Variants in CNTN1 observed in about 807,000 individuals in gnomAD.
The protein encoded by CNTN1 is contactin 1.
In CNTN1, 38 loss-of-function variants were observed where a neutral mutation model predicts 126.4. The observed-to-expected ratio is 0.30, with a 90% CI of 0.23 to 0.39. CNTN1 has a LOEUF of 0.39. Among genes scored for constraint, CNTN1 ranks in the 10% least tolerant of loss-of-function variants. The pLI is 1.00. For missense variants in CNTN1, 1,009 were observed against 1,248.4 expected (o/e 0.81, Z 2.89); for synonymous variants, 413 against 422.6 (o/e 0.98, Z 0.28).
chr12:40,759,779 T>A (rs58871314), intron 1 of CNTN1, among the ~76,000 whole-genome samples: 36,742 of 150,184 alleles, frequency 0.24, 4,559 homozygotes, highest in South Asian at 0.41. Context: ...CAGATATTTT[T>A]TTTTTTTTTT....
chr12:40,842,512 A>G (rs956928940), intron 1 of CNTN1, among the ~76,000 whole-genome samples: 3 of 152,096 alleles, frequency 2.0e-5, no homozygotes, highest in Non-Finnish European at 2.9e-5. Context: ...ATGTACCCCC[A>G]TAATATATAT....
In CNTN1 at chr12:40,782,123, C is replaced by A. The variant is rs553499389; in HGVS notation, c.-77+89531C>A. Among the ~76,000 whole-genome samples, 20 of 151,930 alleles carry A rather than the reference C, an allele frequency of 1.3e-4. No individual in the cohort carries two copies. In the South Asian group the frequency reaches 3.9e-3, roughly 30 times the overall value. ...AAACCATCCCCTATTACCTATCTATCAATATGCACACATATTTTTTAAAAG... is the reference window on the plus strand; with the variant it reads ...AAACCATCCCCTATTACCTATCTATAAATATGCACACATATTTTTTAAAAG... On this transcript the variant is annotated intron_variant, in intron 1 of 23. Coordinates refer to ENST00000551295, the MANE Select transcript of CNTN1 (RefSeq NM_001843.4).
At chr12:40,983,468 CGTGT>C (rs141568233) in intron 16 of CNTN1, among the ~76,000 whole-genome samples, 17,522 of 145,860 alleles carry the variant, frequency 0.12, 1,032 homozygotes, top group Non-Finnish European at 0.13. Flanking sequence ...TGATATTCAC[CGTGT>C]GTGTGTGTGT....
At chr12:41,038,750 A>G (rs1010622930) in intron 23 of CNTN1, among the ~76,000 whole-genome samples, 1 of 152,176 alleles carries the variant, frequency 6.6e-6, no homozygotes. Flanking sequence ...GGCAAAATAA[A>G]TAATATATAG....
rs138967838 is a variant in CNTN1, at chr12:40,704,963, G to T, written c.-77+12371G>T. Among the ~76,000 whole-genome samples the T allele has an allele frequency of 1.7e-3, 260 of 152,210 alleles. 1 individual carries two copies. Among genetic ancestry groups the T allele is most frequent in the African/African-American group, 5.9e-3 (243 of 41,534 alleles). On this transcript the variant is annotated intron_variant, in intron 1 of 23. Transcript: ENST00000551295. ...AGAATCATTGCTCAACATGTGAAAA[G>T]CTTATCCTTGCAATAAAAATCCCTC...
intron 23 of CNTN1, among the ~76,000 whole-genome samples, chr12:41,068,900 A>C (rs553820473): frequency 6.6e-6 from 1 of 152,212 alleles, no homozygotes; most frequent in Non-Finnish European, 1.5e-5. Flanking sequence ...CTGAGGCAGG[A>C]GGATCACATG....
intron 1 of CNTN1, among the ~76,000 whole-genome samples, chr12:40,734,774 G>A (rs1020142504): frequency 2.0e-5 from 3 of 152,022 alleles, no homozygotes; most frequent in Admixed American, 6.6e-5. Context: ...AGCATGCTAA[G>A]AAAAATACAG....
chr12:40,892,317 G>C (rs1944266356), intron 1 of CNTN1, among the ~76,000 whole-genome samples: 1 of 152,068 alleles, frequency 6.6e-6, no homozygotes, highest in South Asian at 2.1e-4. Flanking sequence ...ACTCCTTAAA[G>C]TGTTGCTCTC....
rs571328431 is a variant in CNTN1, at chr12:41,071,606, G to A, written c.*1571G>A. 6.6e-6 allele frequency: 1 copy of A among 152,142 alleles called. No individual in the cohort carries two copies. The highest frequency in any genetic ancestry group is 2.1e-4 in the South Asian group (1 of 4,820). 9.4% of individuals were successfully genotyped at this position (152,142 alleles called of 1,614,324 possible). On this transcript the variant is annotated 3_prime_UTR_variant, in exon 24 of 24. Transcript: ENST00000551295. ...ATATATCGATGTGTAAATGTTTAGA[G>A]TCTTCATTATGAAAATATCAATAAA...
intron 1 of CNTN1, among the ~76,000 whole-genome samples, chr12:40,870,759 CAT>C (rs1385224528): frequency 6.6e-6 from 1 of 152,072 alleles, no homozygotes; most frequent in South Asian, 2.1e-4. Context: ...CACACACACA[CAT>C]ACCAACCCAA....
At chr12:40,947,383 T>A (rs971787395) in intron 14 of CNTN1, among the ~76,000 whole-genome samples, 24 of 152,080 alleles carry the variant, frequency 1.6e-4, no homozygotes, top group African/African-American at 5.8e-4. Context: ...TTTGTTGATG[T>A]TATATGGCAA....
chr12:40,701,668 G>T (rs1293309529), intron 1 of CNTN1, among the ~76,000 whole-genome samples: 1 of 151,708 alleles, frequency 6.6e-6, no homozygotes, highest in Non-Finnish European at 1.5e-5. Flanking sequence ...TTTTCTTTTG[G>T]TCTACTTATA....
intron 1 of CNTN1, among the ~76,000 whole-genome samples, chr12:40,879,574 G>A (rs1465183992): frequency 1.3e-5 from 2 of 152,100 alleles, no homozygotes; most frequent in African/African-American, 2.4e-5. Flanking sequence ...TAAGAAAGGA[G>A]TGAGACAAAA....
At chr12:40,828,119 C>T (rs1309600823) in intron 1 of CNTN1, 1 of 152,120 alleles carries the variant, frequency 6.6e-6, no homozygotes, top group African/African-American at 2.4e-5. Context: ...ACCTGCTCTC[C>T]CCAGGTTGGC....
chr12:40,780,384 C>T (rs868721143), intron 1 of CNTN1, among the ~76,000 whole-genome samples: 5 of 151,640 alleles, frequency 3.3e-5, no homozygotes, highest in South Asian at 2.1e-4. Context: ...TCAAAATATT[C>T]GAGAAGAAAA....
chr12:40,956,462 A>G (rs566905525), intron 14 of CNTN1, among the ~76,000 whole-genome samples: 1 of 152,214 alleles, frequency 6.6e-6, no homozygotes, highest in Middle Eastern at 3.4e-3. Context: ...CAGAAAATGG[A>G]AAGACTTGCT....
chr12:40,846,563 C>T (rs1442858542), intron 1 of CNTN1, among the ~76,000 whole-genome samples: 1 of 152,188 alleles, frequency 6.6e-6, no homozygotes, highest in Non-Finnish European at 1.5e-5. Flanking sequence ...AAAGCTTCAC[C>T]AGAGTCAAGT....
chr12:40,924,269 G>A (rs897492788), intron 5 of CNTN1, among the ~76,000 whole-genome samples: 1 of 152,030 alleles, frequency 6.6e-6, no homozygotes, highest in African/African-American at 2.4e-5. Context: ...TTCTCCCTAA[G>A]TCTGAAACAA....
chr12:40,925,244 T>A (rs978851889), intron 6 of CNTN1, among the ~76,000 whole-genome samples: 1 of 151,960 alleles, frequency 6.6e-6, no homozygotes, highest in Admixed American at 6.6e-5. Context: ...AATTAAAAGA[T>A]GAATTCCTCA....
Sources: allele counts gnomAD v4.1 joint callset (sites outside exome capture counted in the v4.1 genomes callset), GRCh38; gene constraint gnomAD v4.1.1; transcripts MANE v1.5; gene names NCBI Gene and HGNC (gene_info 2026-07-23, HGNC 2026-07-21).